Variants in MRPL34 observed in about 807,000 individuals in gnomAD.
MRPL34 encodes the protein large ribosomal subunit protein bL34m.
A neutral mutation model predicts 6.7 loss-of-function variants in MRPL34; 8 were observed. That is an observed-to-expected ratio of 1.20 (90% confidence interval 0.70 to 2.16). The LOEUF is 2.16. MRPL34 is among the 30% of genes most tolerant of loss of function. MRPL34 has a pLI of 0.00. For synonymous variants in MRPL34, 59 were observed against 55.1 expected, an observed-to-expected ratio of 1.07 and a Z score of -0.31; for missense variants, 146 against 125.5, an observed-to-expected ratio of 1.16 and a Z score of -0.78.
chr19:17,294,240 A>T, intron 1 of MRPL34: 1 of 1,575,528 alleles, frequency 6.3e-7, no homozygotes, highest in Non-Finnish European at 8.6e-7. Context: ...CCTCCCGGGC[A>T]GCACCCTGGG....
At position 17,305,918 on chromosome 19, in the gene MRPL34, T is replaced by G; in HGVS notation, c.26T>G (p.Leu9Trp). MAVLAGSL[L>W]GPTSRSAALL... ...ATGGCTGTCTTGGCTGGATCCCTGT[T>G]GGGCCCCACGAGTAGGTCGGCAGCG... The change falls in exon 1 of 2, where the codon TTG becomes TGG. Residue 9 changes from leucine (L) to tryptophan (W), a missense_variant. Physicochemically the swap from Leu to Trp is moderately conservative, Grantham distance 61 (BLOSUM62 -2). Coordinates refer to ENST00000252602, the MANE Select transcript of MRPL34 (RefSeq NM_023937.4). The G allele has an allele frequency of 6.2e-7, 1 of 1,614,142 alleles. No homozygotes were observed. Among genetic ancestry groups the G allele is most frequent in the Non-Finnish European group, 8.5e-7 (1 of 1,180,020 alleles).
At chr19:17,294,981 T>A in intron 1 of MRPL34, 1 of 1,080,494 alleles carries the variant, frequency 9.3e-7, no homozygotes, top group Non-Finnish European at 1.3e-6. Flanking sequence ...TGGAATGCAG[T>A]GGCTCCATCT....
upstream of MRPL34, chr19:17,298,563 C>A (rs1339153822): frequency 6.6e-6 from 1 of 151,986 alleles, no homozygotes; most frequent in East Asian, 1.9e-4. Flanking sequence ...ATTCTGCCCA[C>A]CAGGGCACGC....
intron 1 of MRPL34, chr19:17,294,361 G>T: frequency 6.2e-7 from 1 of 1,613,724 alleles, no homozygotes; most frequent in Non-Finnish European, 8.5e-7. Flanking sequence ...GACGGGCACG[G>T]TGAGCTCGGC....
chr19:17,302,451 G>A (rs2074124990), upstream of MRPL34, among the ~76,000 whole-genome samples: 1 of 152,162 alleles, frequency 6.6e-6, no homozygotes, highest in African/African-American at 2.4e-5. Context: ...GGCCTCCTAA[G>A]GCATCTAAAA....
chr19:17,300,121 G>T, upstream of MRPL34, among the ~76,000 whole-genome samples: 1 of 151,888 alleles, frequency 6.6e-6, no homozygotes, highest in Admixed American at 6.6e-5. Flanking sequence ...AGCCAGGATG[G>T]TCTCAATCTT....
chr19:17,295,353 C>T (rs962729017), intron 1 of MRPL34, among the ~76,000 whole-genome samples: 7 of 152,058 alleles, frequency 4.6e-5, no homozygotes, highest in African/African-American at 1.7e-4. Flanking sequence ...GTGATCCATC[C>T]GCCTCGGCCT....
In MRPL34 at chr19:17,306,328, G is replaced by A. The variant is rs780418810; in HGVS notation, c.228G>A (p.Val76=). Reference sequence around the variant, plus strand: ...GGCGCCTGAGCACGCCGGCCGGCGTGCAGGTCATCCTTCGCCGAATGCTCA... The same window carrying A: ...GGCGCCTGAGCACGCCGGCCGGCGTACAGGTCATCCTTCGCCGAATGCTCA... ...WVRRLSTPAG[V]QVILRRMLKG... The change falls in exon 2 of 2, where the codon GTG becomes GTA. Residue 76 remains valine, a synonymous_variant. Transcript: ENST00000252602. 2 of 1,610,248 alleles carry A rather than the reference G, an allele frequency of 1.2e-6. No homozygotes were observed. The highest frequency in any genetic ancestry group is 8.5e-7 in the Non-Finnish European group (1 of 1,179,288).
upstream of MRPL34, chr19:17,301,722 C>T: frequency 7.3e-7 from 1 of 1,373,108 alleles, no homozygotes; most frequent in Non-Finnish European, 9.4e-7. Flanking sequence ...CTGTTTTAGA[C>T]TCCAGTTTGG....
At position 17,306,190 on chromosome 19, in the gene MRPL34, G is replaced by T; in HGVS notation, c.90G>T (p.Leu30=). ...GGTGGCTCCAGCCCCGGGCCTGGCT[G>T]GGGTTCCCAGACGCCTGGGGCCTCC... ...GGRWLQPRAW[L]GFPDAWGLPT... The change falls in exon 2 of 2, where the codon CTG becomes CTT. Residue 30 remains leucine (L), a synonymous_variant. Coordinates refer to ENST00000252602, the MANE Select transcript of MRPL34 (RefSeq NM_023937.4). 1 of 1,541,544 alleles carries T rather than the reference G, an allele frequency of 6.5e-7. No homozygotes were observed. The highest frequency in any genetic ancestry group is 1.2e-5 in the South Asian group (1 of 83,546).
chr19:17,300,256 A>G (rs1381664374), upstream of MRPL34, among the ~76,000 whole-genome samples: 1 of 151,414 alleles, frequency 6.6e-6, no homozygotes, highest in Non-Finnish European at 1.5e-5. Context: ...CCCAGGCTGG[A>G]GTGCAGTGGT....
upstream of MRPL34, chr19:17,292,581 T>C: frequency 1.4e-6 from 2 of 1,431,080 alleles, no homozygotes; most frequent in African/African-American, 2.9e-5. Flanking sequence ...CCAGGTGGTC[T>C]GCGCTGCAGA....
upstream of MRPL34, chr19:17,305,779 C>A (rs2074143064): frequency 9.5e-7 from 1 of 1,057,062 alleles, no homozygotes. Context: ...CCCCAACGGC[C>A]TCTTTTTTGC....
At chr19:17,294,155 C>A in intron 1 of MRPL34, 1 of 1,129,488 alleles carries the variant, frequency 8.9e-7, no homozygotes, top group Non-Finnish European at 1.2e-6. Flanking sequence ...AGGCCACGCC[C>A]ACCCGGCAGC....
chr19:17,294,205 C>T (rs2074083090), intron 1 of MRPL34: 22 of 1,488,640 alleles, frequency 1.5e-5, no homozygotes, highest in Non-Finnish European at 1.9e-5. Context: ...CCAAGCGCTA[C>T]CACGCCCCCC....
rs756152210 is a variant in MRPL34 at position 17,305,906 on chromosome 19, C to T, written c.14C>T (p.Ala5Val). 2 of 1,614,094 alleles carry T rather than the reference C, an allele frequency of 1.2e-6. No individual in the cohort carries two copies. The highest frequency in any genetic ancestry group is 1.1e-5 in the South Asian group (1 of 91,092). The change falls in exon 1 of 2, where the codon GCT (alanine) becomes GTT (valine). Residue 5 changes from alanine to valine, a missense_variant. Ala to Val is a moderately conservative substitution (Grantham distance 64). Transcript: ENST00000252602. ...CCCACTGCGGATATGGCTGTCTTGGCTGGATCCCTGTTGGGCCCCACGAGT... is the reference window on the plus strand; with the variant it reads ...CCCACTGCGGATATGGCTGTCTTGGTTGGATCCCTGTTGGGCCCCACGAGT... MAVL[A>V]GSLLGPTSRS...
At chr19:17,299,239 C>CCA (rs1555720794), upstream of MRPL34, among the ~76,000 whole-genome samples, 1 of 144,342 alleles carries the variant, frequency 6.9e-6, no homozygotes, top group African/African-American at 2.5e-5. Flanking sequence ...ATGAGACCCC[C>CCA]CCCCCATTCT....
intron 1 of MRPL34, chr19:17,297,835 G>A (rs914470487): frequency 6.7e-6 from 1 of 149,924 alleles, no homozygotes; most frequent in Non-Finnish European, 1.5e-5. Context: ...AGCTATAGCA[G>A]TCCTCCCACC....
At chr19:17,301,422 C>G (rs755289782), upstream of MRPL34, 2 of 1,612,122 alleles carry the variant, frequency 1.2e-6, no homozygotes, top group Non-Finnish European at 1.7e-6. Context: ...GGGCTGCATC[C>G]GAGGATGCGG....
Sources: gnomAD v4.1 joint callset for allele counts (sites outside exome capture counted in the v4.1 genomes callset) on GRCh38, gnomAD v4.1.1 for gene constraint, MANE v1.5 for transcripts, NCBI Gene and HGNC (gene_info 2026-07-23, HGNC 2026-07-21) for gene names.